ADGRF3: variants seen among roughly 807,000 people sequenced by gnomAD.
ADGRF3 encodes adhesion G protein-coupled receptor F3.
ADGRF3 carries 85 observed loss-of-function variants against 93.2 expected under a neutral mutation model. The observed-to-expected ratio is 0.91, with a 90% CI of 0.77 to 1.09. The LOEUF (loss-of-function observed/expected upper bound fraction) is 1.09. Among genes scored for constraint, ADGRF3 ranks in the 50% least tolerant of loss-of-function variants. The pLI, the probability that ADGRF3 is intolerant of heterozygous loss-of-function variation, is 0.00. For missense variants in ADGRF3, 1,125 were observed against 1,246.2 expected, an observed-to-expected ratio of 0.90 and a Z score of 1.46; for synonymous variants, 534 against 532.5, an observed-to-expected ratio of 1.00 and a Z score of -0.04.
chr2:26,314,374 C>G, intron 6 of ADGRF3, 40 bp downstream of exon 6: 1 of 1,573,040 alleles, frequency 6.4e-7, no homozygotes, highest in Non-Finnish European at 8.7e-7. Context: ...CAGCTGCCCC[C>G]TGGTCCCTCT....
chr2:26,341,335 G>A (rs1165950097), intron 1 of ADGRF3, among the ~76,000 whole-genome samples: 1 of 152,098 alleles, frequency 6.6e-6, no homozygotes, highest in African/African-American at 2.4e-5. Flanking sequence ...CCAAGATCGC[G>A]CCACTGCACT....
In ADGRF3 at chr2:26,315,750, G is replaced by T. The variant is rs1206133710; in HGVS notation, c.500-10C>A. 3.9e-6 allele frequency: 6 copies of T among 1,551,018 alleles called. No individual in the cohort carries two copies. The highest frequency in any genetic ancestry group is 3.6e-5 in the South Asian group (3 of 84,028). On this transcript the variant is annotated splice_polypyrimidine_tract_variant and intron_variant, in intron 4 of 13. Coordinates refer to ENST00000651242, the MANE Select transcript of ADGRF3 (RefSeq NM_001321971.2). ...TTGAGGATCCCGGGGACTGCAGGGA[G>T]GCAGGTGACAGGGGACCCTGGAGGA... is the stretch of plus-strand genomic sequence containing the variant.
At chr2:26,332,439 A>C (rs1421350528) in intron 1 of ADGRF3, among the ~76,000 whole-genome samples, 1 of 152,178 alleles carries the variant, frequency 6.6e-6, no homozygotes, top group Non-Finnish European at 1.5e-5. Flanking sequence ...CAAAACAAAA[A>C]GTGATGAATA....
At chr2:26,346,010 A>AC (rs920999323) in intron 1 of ADGRF3, 111 bp downstream of exon 1, 51 of 1,160,398 alleles carry the variant, frequency 4.4e-5, no homozygotes, top group Admixed American at 3.2e-4. Flanking sequence ...CGGGCTAGCA[A>AC]CCCCCCCTCG....
Position 26,308,940 on chromosome 2 carries a change from T to C in ADGRF3, c.*146A>G, listed in dbSNP as rs2147854792. On this transcript the variant is annotated 3_prime_UTR_variant, in exon 14 of 14. Transcript: ENST00000651242. ...AGGGGTGAGCTGTAAGATAAATGAG[T>C]GTCACTAAGGGAAATATAAGCCTGC... The C allele has an allele frequency of 9.8e-7, 1 of 1,021,796 alleles. No individual in the cohort carries two copies. The highest frequency in any genetic ancestry group is 1.5e-6 in the Non-Finnish European group (1 of 667,414). The allele number at this position is 1,021,796 out of a possible 1,614,324, so 63.3% of individuals were successfully genotyped here. A position where few individuals can be genotyped will look rare whatever the true frequency, so the allele number is the denominator to read the frequency against.
chr2:26,320,176 G>A (rs1675067215), intron 1 of ADGRF3, among the ~76,000 whole-genome samples: 1 of 152,300 alleles, frequency 6.6e-6, no homozygotes, highest in Middle Eastern at 3.4e-3. Flanking sequence ...GATGGGAATA[G>A]GCAATTCACT....
chr2:26,309,848 C>T (rs1435724129), intron 12 of ADGRF3, 195 bp downstream of exon 12: 2 of 1,306,564 alleles, frequency 1.5e-6, no homozygotes, highest in Non-Finnish European at 2.1e-6. Context: ...GAACCCAGGA[C>T]CCTGATCCTG....
At chr2:26,315,088 C>G (rs568744459) in intron 5 of ADGRF3, among the ~76,000 whole-genome samples, 3 of 152,264 alleles carry the variant, frequency 2.0e-5, no homozygotes, top group African/African-American at 4.8e-5. Flanking sequence ...AAATCTTGCC[C>G]GTGTCTGGGT....
At chr2:26,344,056 A>G (rs1676549234) in intron 1 of ADGRF3, among the ~76,000 whole-genome samples, 1 of 152,228 alleles carries the variant, frequency 6.6e-6, no homozygotes, top group East Asian at 1.9e-4. Flanking sequence ...GATAAACAAT[A>G]AGTGCAGTTT....
intron 1 of ADGRF3, among the ~76,000 whole-genome samples, chr2:26,339,920 C>G (rs138523312): frequency 8.6e-4 from 131 of 152,286 alleles, no homozygotes; most frequent in African/African-American, 3.0e-3. Context: ...TTCTCACATG[C>G]CTTCCTTATC....
intron 13 of ADGRF3, 198 bp from the exon 14 acceptor site, chr2:26,309,305 TG>T: frequency 6.6e-7 from 1 of 1,513,858 alleles, no homozygotes; most frequent in South Asian, 1.3e-5. Flanking sequence ...CTTGCTTTCT[TG>T]GAAAGCAAGA....
Position 26,313,866 on chromosome 2 carries a change from C to A in ADGRF3, c.966G>T (p.Val322=). The stretch of plus-strand genomic sequence containing the variant: ...CCATCGGGCAGCGCTGAACAGCCAG[C>A]ACAAAGCACTGAGAGCCTGACTCGT... ...SFNESGSQCF[V]LAVQRCPMAD... The change falls in exon 7 of 14, where the codon GTG becomes GTT. Residue 322 remains valine (V), a synonymous_variant. Coordinates refer to ENST00000651242, the MANE Select transcript of ADGRF3 (RefSeq NM_001321971.2). The A allele has an allele frequency of 7.4e-6, 12 of 1,614,022 alleles. No homozygotes were observed. Among genetic ancestry groups the A allele is most frequent in the Non-Finnish European group, 9.3e-6 (11 of 1,179,902 alleles).
At position 26,309,554 on chromosome 2, in the gene ADGRF3, G is replaced by A. The variant is rs373040569; in HGVS notation, c.2965C>T (p.His989Tyr). ...LATNEGCILE[H>Y]SKGGSDTARK... ...GCAGTGTCGCTTCCTCCTTTGCTGTGTTCCAAGATGCAGCCTTCATTTGTG... is the reference window on the plus strand; with the variant it reads ...GCAGTGTCGCTTCCTCCTTTGCTGTATTCCAAGATGCAGCCTTCATTTGTG... The change falls in exon 13 of 14, where the codon CAC (histidine) becomes TAC (tyrosine). Residue 989 changes from histidine to tyrosine, a missense_variant. Physicochemically the swap from His to Tyr is moderately conservative, Grantham distance 83. Transcript: ENST00000651242. The A allele has an allele frequency of 1.9e-6, 3 of 1,612,796 alleles. No homozygotes were observed. Among genetic ancestry groups the A allele is most frequent in the Non-Finnish European group, 2.5e-6 (3 of 1,179,566 alleles).
In ADGRF3 at chr2:26,316,855, G is replaced by A. The variant is rs1674736818; in HGVS notation, c.325+57C>T. 6.5e-6 allele frequency: 10 copies of A among 1,530,818 alleles called. No homozygotes were observed. The East Asian group carries it at 2.3e-4, about 35-fold the overall frequency. The allele number at this position is 1,530,818 out of a possible 1,614,324, so 94.8% of individuals were successfully genotyped here. A position where few individuals can be genotyped will look rare whatever the true frequency, so the allele number is the denominator to read the frequency against. On this transcript the variant is annotated intron_variant, in intron 3 of 13. Transcript: ENST00000651242. ...CAGAGTCTCAGGCAAGCTGGCTGCA[G>A]GAGGCCCGGGAGCCTATGTTCATTC...
chr2:26,341,503 G>C (rs1056833221), intron 1 of ADGRF3, among the ~76,000 whole-genome samples: 1 of 152,160 alleles, frequency 6.6e-6, no homozygotes, highest in Non-Finnish European at 1.5e-5. Flanking sequence ...ATTATATTGC[G>C]TAGACTTTTT....
intron 1 of ADGRF3, among the ~76,000 whole-genome samples, chr2:26,336,722 TAAAAAAAAAAA>T (rs57691864): frequency 4.7e-3 from 103 of 22,084 alleles, no homozygotes; most frequent in African/African-American, 0.012. Context: ...TGAGACTCCA[TAAAAAAAAAAA>T]AAAAAAAAAA....
chr2:26,312,219 G>A lies in ADGRF3; in HGVS notation c.1450-145C>T. On this transcript the variant is annotated intron_variant, in intron 9 of 13. Transcript: ENST00000651242. Reference sequence around the variant, plus strand: ...GGAGAGAAAAGGGAGAGGAAGACAGGCCTGTGAAGGGAGACTTTCTAGATG... The same window carrying A: ...GGAGAGAAAAGGGAGAGGAAGACAGACCTGTGAAGGGAGACTTTCTAGATG... 6 of 821,316 alleles carry A rather than the reference G, an allele frequency of 7.3e-6. No homozygotes were observed. In the East Asian group the frequency reaches 1.3e-4, roughly 18 times the overall value. 50.9% of individuals were successfully genotyped at this position (821,316 alleles called of 1,614,324 possible). A position where few individuals can be genotyped will look rare whatever the true frequency, so the allele number is the denominator to read the frequency against.
intron 4 of ADGRF3, 152 bp from the exon 5 acceptor site, chr2:26,315,892 C>T: frequency 8.6e-7 from 1 of 1,166,820 alleles, no homozygotes; most frequent in Non-Finnish European, 1.2e-6. Context: ...TGGGTGGGCA[C>T]CTGAATGTGG....
chr2:26,340,095 G>A (rs1676285393), intron 1 of ADGRF3, among the ~76,000 whole-genome samples: 1 of 152,040 alleles, frequency 6.6e-6, no homozygotes, highest in South Asian at 2.1e-4. Flanking sequence ...ATCCCGACCT[G>A]TGTTCAATTG....
Sources: allele counts gnomAD v4.1 joint callset (sites outside exome capture counted in the v4.1 genomes callset), GRCh38; gene constraint gnomAD v4.1.1; transcripts MANE v1.5; gene names NCBI Gene and HGNC (gene_info 2026-07-23, HGNC 2026-07-21).